The following CFLAR variants were observed in gnomAD, a reference collection of about 807,000 sequenced individuals.
CFLAR encodes the protein CASP8 and FADD-like apoptosis regulator.
In CFLAR, 14 loss-of-function variants were observed where a neutral mutation model predicts 51.1. The observed-to-expected ratio is 0.27, with a 90% CI of 0.18 to 0.43. CFLAR has a LOEUF of 0.43. CFLAR is among the 20% of genes least tolerant of loss of function. The pLI is 1.00. For missense variants in CFLAR, 390 were observed against 566.5 expected, an observed-to-expected ratio of 0.69 and a Z score of 3.16; for synonymous variants, 210 against 211.6, an observed-to-expected ratio of 0.99 and a Z score of 0.06.
Position 201,168,987 on chromosome 2 carries a change from C to A in CFLAR, c.*5014C>A, listed in dbSNP as rs1465355593. 1 of 152,102 alleles carries A rather than the reference C, an allele frequency of 6.6e-6. No individual in the cohort carries two copies. The highest frequency in any genetic ancestry group is 1.5e-5 in the Non-Finnish European group (1 of 68,022). 9.4% of individuals were successfully genotyped at this position (152,102 alleles called of 1,614,324 possible). A position where few individuals can be genotyped will look rare whatever the true frequency, so the allele number is the denominator to read the frequency against. On this transcript the variant is annotated 3_prime_UTR_variant, in exon 10 of 10. Transcript: ENST00000309955. ...AGAGGACACAAATGAAAAAACATTC[C>A]ATTCTCGTGGATAGGAAGAATCAAT...
intron 5 of CFLAR, chr2:201,144,136 A>C (rs1336146723): frequency 6.6e-6 from 1 of 152,220 alleles, no homozygotes; most frequent in Non-Finnish European, 1.5e-5. Context: ...GGCAACTTAC[A>C]TGTTTTTAAT....
intron 4 of CFLAR, chr2:201,137,072 T>C (rs939034969): frequency 1.1e-5 from 2 of 177,464 alleles, no homozygotes; most frequent in African/African-American, 2.4e-5. Context: ...GGTCTGGAGC[T>C]CAGAAGTGCC....
rs1940773163 is a variant in CFLAR at position 201,148,913 on chromosome 2, A to G, written c.662-90A>G. 2.6e-5 allele frequency: 22 copies of G among 841,330 alleles called. No individual in the cohort carries two copies. In the South Asian group the frequency reaches 2.9e-4, roughly 11 times the overall value. 52.1% of individuals were successfully genotyped at this position (841,330 alleles called of 1,614,324 possible). On this transcript the variant is annotated intron_variant, in intron 6 of 9. Transcript: ENST00000309955. ...TAATTGAAGAAAATAGGAAGGGAGA[A>G]CAGTTGTTATACAAAGAAACTCAGC... is the stretch of plus-strand genomic sequence containing the variant.
intron 8 of CFLAR, chr2:201,150,058 G>A (rs537260608): frequency 9.0e-5 from 29 of 323,908 alleles, no homozygotes; most frequent in South Asian, 6.0e-4. Flanking sequence ...GTGTGGGCTC[G>A]GGCACGGTGG....
chr2:201,171,077 A>C lies in CFLAR; in HGVS notation c.*7104A>C, dbSNP rs1467806142. 6.6e-6 allele frequency: 1 copy of C among 152,152 alleles called. No homozygotes were observed. The highest frequency in any genetic ancestry group is 1.5e-5 in the Non-Finnish European group (1 of 68,030). The allele number at this position is 152,152 out of a possible 1,614,324, so 9.4% of individuals were successfully genotyped here. On this transcript the variant is annotated 3_prime_UTR_variant, in exon 10 of 10. Coordinates refer to ENST00000309955, the MANE Select transcript of CFLAR (RefSeq NM_003879.7). ...GGAAAACCAAACATTGTATGTTCTC[A>C]CTCATAAGTGGGAGATAAGCTATGA... is the stretch of plus-strand genomic sequence containing the variant.
At chr2:201,153,337 A>G (rs1941595694) in intron 8 of CFLAR, 1 of 152,272 alleles carries the variant, frequency 6.6e-6, no homozygotes, top group South Asian at 2.1e-4. Context: ...GCAGGAGAAC[A>G]TTAATTATTA....
chr2:201,145,542 GCT>G (rs1353709602), intron 6 of CFLAR, 110 bp downstream of exon 6: 3 of 735,300 alleles, frequency 4.1e-6, no homozygotes, highest in Non-Finnish European at 7.1e-6. Flanking sequence ...ATCTAAGTAA[GCT>G]CTCAAAATAA....
At chr2:201,148,879 A>C in intron 6 of CFLAR, 124 bp from the exon 7 acceptor site, 1 of 682,716 alleles carries the variant, frequency 1.5e-6, no homozygotes. Context: ...TAGCTGGGGA[A>C]AGAAGAGATA....
intron 8 of CFLAR, among the ~76,000 whole-genome samples, chr2:201,159,764 A>G (rs1942792257): frequency 6.6e-6 from 1 of 152,242 alleles, no homozygotes; most frequent in South Asian, 2.1e-4. Flanking sequence ...GCTAAAAACA[A>G]CAGTACTAAT....
intron 2 of CFLAR, 36 bp downstream of exon 2, chr2:201,130,182 G>GC: frequency 1.5e-6 from 2 of 1,341,126 alleles, no homozygotes; most frequent in Non-Finnish European, 2.0e-6. Context: ...TGGGTGGGTG[G>GC]GAGGGAGTGA....
chr2:201,140,644 TAAAAGAA>T, intron 5 of CFLAR: 2 of 494,488 alleles, frequency 4.0e-6, no homozygotes, highest in Admixed American at 8.1e-5. Context: ...TAGAGAAAGA[TAAAAGAA>T]AATAAATCAC....
At chr2:201,131,469 C>T (rs550712370) in intron 2 of CFLAR, among the ~76,000 whole-genome samples, 31 of 152,304 alleles carry the variant, frequency 2.0e-4, no homozygotes, top group African/African-American at 6.0e-4. Flanking sequence ...CTCTTAGCCT[C>T]AAGTGATCTG....
At chr2:201,121,939 G>T (rs2048226213) in intron 1 of CFLAR, among the ~76,000 whole-genome samples, 1 of 152,182 alleles carries the variant, frequency 6.6e-6, no homozygotes, top group Admixed American at 6.5e-5. Context: ...TTTCCTGACT[G>T]CTGTTGCATG....
rs375243239 is a variant in CFLAR at position 201,137,679 on chromosome 2, A to G, written c.523+1572A>G. On this transcript the variant is annotated intron_variant, in intron 4 of 9. Coordinates refer to ENST00000309955, the MANE Select transcript of CFLAR (RefSeq NM_003879.7). ...CTGGCAGCCATGCTGGATGCCCACT[A>G]TGAGGTAGGGCACGAACTTCTGAAT... 1,569 of 760,138 alleles carry G rather than the reference A, an allele frequency of 2.1e-3. 15 individuals are homozygous for G. The highest frequency in any genetic ancestry group is 0.014 in the South Asian group (1,022 of 74,412). The allele number at this position is 760,138 out of a possible 1,614,324, so 47.1% of individuals were successfully genotyped here.
rs1312574037 is a variant in CFLAR, at chr2:201,171,729, C to G, written c.*7756C>G. On this transcript the variant is annotated 3_prime_UTR_variant, in exon 10 of 10. Transcript: ENST00000309955. ...ATGCATACACAATAAAATTGCAGTTCAGTCAAACATTGGAAGTCTTTCTCT... is the reference window on the plus strand; with the variant it reads ...ATGCATACACAATAAAATTGCAGTTGAGTCAAACATTGGAAGTCTTTCTCT... 1.3e-5 allele frequency: 2 copies of G among 151,842 alleles called. No homozygotes were observed. The highest frequency in any genetic ancestry group is 2.9e-5 in the Non-Finnish European group (2 of 67,960). The allele number at this position is 151,842 out of a possible 1,614,324, so 9.4% of individuals were successfully genotyped here. A position where few individuals can be genotyped will look rare whatever the true frequency, so the allele number is the denominator to read the frequency against.
At chr2:201,162,041 C>G (rs1014759788) in intron 9 of CFLAR, among the ~76,000 whole-genome samples, 1 of 152,020 alleles carries the variant, frequency 6.6e-6, no homozygotes, top group Non-Finnish European at 1.5e-5. Flanking sequence ...AGCCACCATG[C>G]TCAGCCACCT....
intron 1 of CFLAR, among the ~76,000 whole-genome samples, chr2:201,127,808 G>C (rs1013830425): frequency 6.6e-6 from 1 of 152,120 alleles, no homozygotes; most frequent in Non-Finnish European, 1.5e-5. Context: ...CTCTACCCCC[G>C]TTAGCACAGA....
chr2:201,127,844 G>A (rs963368400), intron 1 of CFLAR, among the ~76,000 whole-genome samples: 2 of 152,188 alleles, frequency 1.3e-5, no homozygotes, highest in African/African-American at 2.4e-5. Flanking sequence ...CAGTGCTCTT[G>A]CTGAGTGTGC....
At chr2:201,132,448 T>G (rs909619359) in intron 2 of CFLAR, among the ~76,000 whole-genome samples, 32 of 149,928 alleles carry the variant, frequency 2.1e-4, no homozygotes, top group African/African-American at 7.9e-4. Flanking sequence ...TATATATATA[T>G]ATATATAGTG....
Sources: gnomAD v4.1 joint callset for allele counts (sites outside exome capture counted in the v4.1 genomes callset) on GRCh38, gnomAD v4.1.1 for gene constraint, MANE v1.5 for transcripts, NCBI Gene and HGNC (gene_info 2026-07-23, HGNC 2026-07-21) for gene names.